The following EFCAB11 variants were observed in gnomAD, a reference collection of about 807,000 sequenced individuals.
The protein encoded by EFCAB11 is EF-hand calcium binding domain 11, also known as EF-hand calcium-binding domain-containing protein 11.
In EFCAB11, 14 loss-of-function variants were observed where a neutral mutation model predicts 23.0. That is an observed-to-expected ratio of 0.61 (90% CI 0.40 to 0.95). The LOEUF (loss-of-function observed/expected upper bound fraction) is 0.95. Among genes scored for constraint, EFCAB11 ranks in the 40% least tolerant of loss-of-function variants. EFCAB11 has a pLI of 0.00. For synonymous variants in EFCAB11, 65 were observed against 66.6 expected (o/e 0.98, Z 0.11); for missense variants, 198 against 195.8 (o/e 1.01, Z -0.07).
chr14:89,869,004 C>T (rs1888185210), intron 5 of EFCAB11, among the ~76,000 whole-genome samples: 1 of 151,896 alleles, frequency 6.6e-6, no homozygotes, highest in South Asian at 2.1e-4. Context: ...GAGTTTGAGA[C>T]CAGCCTGGGT....
chr14:89,873,417 G>T (rs1888342781), intron 5 of EFCAB11, among the ~76,000 whole-genome samples: 1 of 152,032 alleles, frequency 6.6e-6, no homozygotes, highest in South Asian at 2.1e-4. Context: ...TTCTGTCCCT[G>T]GCCCCTCCCA....
chr14:89,831,915 G>A (rs187525638), intron 5 of EFCAB11, among the ~76,000 whole-genome samples: 3 of 152,262 alleles, frequency 2.0e-5, no homozygotes, highest in South Asian at 4.1e-4. Context: ...GGCAGCAAGT[G>A]GTCTAAGATA....
chr14:89,937,754 G>A (rs998755433), intron 3 of EFCAB11, among the ~76,000 whole-genome samples: 1 of 152,046 alleles, frequency 6.6e-6, no homozygotes, highest in Non-Finnish European at 1.5e-5. Flanking sequence ...TCGAACTCCC[G>A]ACTTTGTGAT....
chr14:89,892,412 A>C lies in EFCAB11; in HGVS notation c.410+39129T>G, dbSNP rs547685679. The C allele has an allele frequency of 5.0e-6, 8 of 1,586,182 alleles. No individual in the cohort carries two copies. The African/African-American group carries it at 1.1e-4, about 21-fold the overall frequency. ...GACCCAAATCCCCAGGTCCCCCAGC[A>C]GGAAGCAGCACCCAGGCCCATGCCA... On this transcript the variant is annotated intron_variant, in intron 5 of 5. Coordinates refer to ENST00000316738, the MANE Select transcript of EFCAB11 (RefSeq NM_145231.4).
chr14:89,846,289 C>A (rs1887429442), intron 5 of EFCAB11, among the ~76,000 whole-genome samples: 1 of 152,168 alleles, frequency 6.6e-6, no homozygotes. Flanking sequence ...TCAGGATGAA[C>A]ATACTAAGAA....
intron 5 of EFCAB11, among the ~76,000 whole-genome samples, chr14:89,884,663 T>C (rs1348835079): frequency 6.6e-6 from 1 of 152,222 alleles, no homozygotes; most frequent in African/African-American, 2.4e-5. Flanking sequence ...ACATAAAATA[T>C]ATACTATTAC....
intron 5 of EFCAB11, among the ~76,000 whole-genome samples, chr14:89,837,700 C>T (rs1186218517): frequency 6.6e-6 from 1 of 152,050 alleles, no homozygotes; most frequent in Non-Finnish European, 1.5e-5. Flanking sequence ...TAAACCCATG[C>T]TGGTAGTGAC....
intron 5 of EFCAB11, among the ~76,000 whole-genome samples, chr14:89,839,239 T>C (rs1887181983): frequency 6.6e-6 from 1 of 152,198 alleles, no homozygotes; most frequent in Non-Finnish European, 1.5e-5. Flanking sequence ...TGTTCTACCA[T>C]CCAGTTAAGG....
intron 3 of EFCAB11, among the ~76,000 whole-genome samples, chr14:89,949,197 G>C (rs1308020869): frequency 6.6e-6 from 1 of 151,740 alleles, no homozygotes; most frequent in Non-Finnish European, 1.5e-5. Context: ...CCCATGATGT[G>C]ACTATTACAC....
At chr14:89,908,778 T>C (rs1253697919) in intron 5 of EFCAB11, among the ~76,000 whole-genome samples, 1 of 152,212 alleles carries the variant, frequency 6.6e-6, no homozygotes, top group Non-Finnish European at 1.5e-5. Flanking sequence ...GTGAAGTATC[T>C]AGGATACTCA....
chr14:89,932,151 T>C (rs1269491329), intron 4 of EFCAB11, among the ~76,000 whole-genome samples: 1 of 152,056 alleles, frequency 6.6e-6, no homozygotes. Flanking sequence ...AGCCACACCC[T>C]ATGGGGGAAA....
chr14:89,883,907 C>A (rs756696208), intron 5 of EFCAB11, among the ~76,000 whole-genome samples: 1 of 152,138 alleles, frequency 6.6e-6, no homozygotes, highest in Non-Finnish European at 1.5e-5. Flanking sequence ...TGGGAGACTG[C>A]TTGAGGCCAG....
intron 5 of EFCAB11, among the ~76,000 whole-genome samples, chr14:89,869,479 T>C (rs1488071598): frequency 6.6e-6 from 1 of 152,166 alleles, no homozygotes; most frequent in African/African-American, 2.4e-5. Flanking sequence ...TTCTCACTTC[T>C]ATGAGGTTAA....
intron 5 of EFCAB11, among the ~76,000 whole-genome samples, chr14:89,907,976 CAGTG>C (rs1475851504): frequency 5.9e-5 from 9 of 152,214 alleles, no homozygotes; most frequent in Non-Finnish European, 1.3e-4. Flanking sequence ...GCTTGGCACA[CAGTG>C]AGCACTAGAT....
At chr14:89,834,745 A>C (rs1042667109) in intron 5 of EFCAB11, among the ~76,000 whole-genome samples, 4 of 152,212 alleles carry the variant, frequency 2.6e-5, no homozygotes, top group Non-Finnish European at 4.4e-5. Flanking sequence ...GCAGAAATAA[A>C]ATCACAGTGG....
intron 5 of EFCAB11, among the ~76,000 whole-genome samples, chr14:89,821,506 G>C (rs1886518475): frequency 6.6e-6 from 1 of 152,102 alleles, no homozygotes; most frequent in South Asian, 2.1e-4. Context: ...TAGGAAATAG[G>C]AATATAAACA....
Position 89,954,618 on chromosome 14 carries a change from C to A in EFCAB11, c.43G>T (p.Ala15Ser), listed in dbSNP as rs762463982. ...EARARSRTWE[A>S]SPSEHRKWVE... ...CACTTCCTGTGTTCCGAGGGACTGG[C>A]TTCCCACGTCCGCGACCTGGCTCTG... The change falls in exon 1 of 6, where the codon GCC (alanine) becomes TCC (serine). Residue 15 changes from alanine to serine, a missense_variant. Transcript: ENST00000316738. 1.2e-6 allele frequency: 2 copies of A among 1,613,652 alleles called. No homozygotes were observed. The highest frequency in any genetic ancestry group is 8.5e-7 in the Non-Finnish European group (1 of 1,179,994).
At chr14:89,896,294 G>T (rs1322344648) in intron 5 of EFCAB11, among the ~76,000 whole-genome samples, 1 of 150,040 alleles carries the variant, frequency 6.7e-6, no homozygotes, top group Non-Finnish European at 1.5e-5. Context: ...GGAGGCCGAG[G>T]CAGGAGAACG....
At chr14:89,918,003 G>C (rs1889904224) in intron 5 of EFCAB11, among the ~76,000 whole-genome samples, 1 of 152,162 alleles carries the variant, frequency 6.6e-6, no homozygotes, top group South Asian at 2.1e-4. Flanking sequence ...TGTGAATGCT[G>C]TGAGAAGCTG....
Sources: gnomAD v4.1 joint callset for allele counts (sites outside exome capture counted in the v4.1 genomes callset) on GRCh38, gnomAD v4.1.1 for gene constraint, MANE v1.5 for transcripts, NCBI Gene and HGNC (gene_info 2026-07-23, HGNC 2026-07-21) for gene names.